Variants in DOCK1 observed in about 807,000 individuals in gnomAD.
DOCK1 encodes the protein dedicator of cytokinesis protein 1.
DOCK1 carries 138 observed loss-of-function variants against 262.7 expected under a neutral mutation model. That is an observed-to-expected ratio of 0.53 (90% CI 0.46 to 0.61). The LOEUF is 0.61. Among genes scored for constraint, DOCK1 ranks in the 20% least tolerant of loss-of-function variants. The pLI, the probability that DOCK1 is intolerant of heterozygous loss-of-function variation, is 0.00. For missense variants in DOCK1, 1,908 were observed against 2,370.7 expected (o/e 0.80, Z 4.05); for synonymous variants, 866 against 867.4 (o/e 1.00, Z 0.03).
intron 27 of DOCK1, among the ~76,000 whole-genome samples, chr10:127,204,517 C>T (rs559389936): frequency 6.6e-6 from 1 of 152,168 alleles, no homozygotes; most frequent in Admixed American, 6.5e-5. Flanking sequence ...GAACTCCTGA[C>T]CTCAAGCAAT....
intron 23 of DOCK1, among the ~76,000 whole-genome samples, chr10:127,072,823 A>G (rs2046309623): frequency 2.0e-5 from 3 of 152,230 alleles, no homozygotes; most frequent in African/African-American, 7.2e-5. Context: ...AGGGACGGGC[A>G]GAGAACATCA....
chr10:126,948,815 C>T lies in DOCK1; in HGVS notation c.47-21887C>T, dbSNP rs941621835. ...CTTTGGGCTGGATTTTCCATCCTCT[C>T]CCTCAAAGGGAACCTTGCCCCCTAT... On this transcript the variant is annotated intron_variant, in intron 1 of 51. Transcript: ENST00000623213. 5.2e-3 allele frequency among the ~76,000 whole-genome samples: 796 copies of T among 152,180 alleles called. 12 individuals carry two copies. The highest frequency in any genetic ancestry group is 0.018 in the African/African-American group (760 of 41,530).
intron 45 of DOCK1, 103 bp from the exon 46 acceptor site, chr10:127,419,563 G>A (rs2068371867): frequency 2.6e-6 from 3 of 1,138,982 alleles, no homozygotes; most frequent in African/African-American, 3.1e-5. Flanking sequence ...GTGTGGATCT[G>A]TTTTATGCAC....
chr10:127,337,263 G>C (rs1348308608), intron 29 of DOCK1, among the ~76,000 whole-genome samples: 1 of 152,130 alleles, frequency 6.6e-6, no homozygotes, highest in African/African-American at 2.4e-5. Context: ...TCTCAACACA[G>C]TTACCAAGGG....
intron 1 of DOCK1, among the ~76,000 whole-genome samples, chr10:126,960,830 A>G (rs1284257780): frequency 6.8e-6 from 1 of 147,590 alleles, no homozygotes; most frequent in Non-Finnish European, 1.5e-5. Context: ...ACGTGTGTAT[A>G]TCTATACGTA....
chr10:127,332,992 A>G (rs2063049203), intron 29 of DOCK1, among the ~76,000 whole-genome samples: 1 of 152,180 alleles, frequency 6.6e-6, no homozygotes, highest in Admixed American at 6.5e-5. Context: ...GCAAATTCCC[A>G]GCTACTGTTG....
intron 29 of DOCK1, among the ~76,000 whole-genome samples, chr10:127,329,053 A>T (rs2062863750): frequency 6.6e-6 from 1 of 152,126 alleles, no homozygotes; most frequent in African/African-American, 2.4e-5. Flanking sequence ...TTACATCCAC[A>T]GTGTTGCTCA....
intron 25 of DOCK1, among the ~76,000 whole-genome samples, chr10:127,111,144 A>G: frequency 6.6e-6 from 1 of 152,098 alleles, no homozygotes; most frequent in Non-Finnish European, 1.5e-5. Flanking sequence ...CAGACTTGGG[A>G]TGTCCCTGTT....
At chr10:127,083,473 C>T (rs1372975277) in intron 23 of DOCK1, among the ~76,000 whole-genome samples, 1 of 152,162 alleles carries the variant, frequency 6.6e-6, no homozygotes, top group Non-Finnish European at 1.5e-5. Flanking sequence ...AGAAACCCTT[C>T]GGCTATTAAA....
intron 25 of DOCK1, among the ~76,000 whole-genome samples, chr10:127,111,199 C>T (rs528657168): frequency 2.0e-5 from 3 of 152,250 alleles, no homozygotes; most frequent in East Asian, 1.9e-4. Flanking sequence ...TTGGCTTGGT[C>T]CTTTGTGCCT....
At chr10:126,962,229 G>C (rs1356454494) in intron 1 of DOCK1, among the ~76,000 whole-genome samples, 1 of 150,280 alleles carries the variant, frequency 6.7e-6, no homozygotes, top group African/African-American at 2.5e-5. Flanking sequence ...GCACAATCTT[G>C]GCTCACTGCA....
chr10:127,185,162 A>G (rs939326810), intron 27 of DOCK1, among the ~76,000 whole-genome samples: 1 of 152,150 alleles, frequency 6.6e-6, no homozygotes, highest in African/African-American at 2.4e-5. Context: ...CACAAATATA[A>G]GTGTTCTGTG....
At chr10:127,418,970 G>A (rs1317615686) in intron 45 of DOCK1, among the ~76,000 whole-genome samples, 1 of 152,240 alleles carries the variant, frequency 6.6e-6, no homozygotes, top group African/African-American at 2.4e-5. Flanking sequence ...ATGGGCAGAA[G>A]TTGAAGGACA....
intron 21 of DOCK1, among the ~76,000 whole-genome samples, 153 bp from the exon 22 acceptor site, chr10:127,052,525 CAAA>C (rs71490107): frequency 6.6e-4 from 91 of 138,794 alleles, no homozygotes; most frequent in Admixed American, 6.4e-4. Context: ...CTGTCTCAAA[CAAA>C]AAAAAAAAAA....
chr10:127,201,742 C>G (rs1426453731), intron 27 of DOCK1, among the ~76,000 whole-genome samples: 1 of 152,180 alleles, frequency 6.6e-6, no homozygotes, highest in Non-Finnish European at 1.5e-5. Flanking sequence ...GCTTTCCCCT[C>G]CCAACTGCAG....
chr10:127,273,878 C>A (rs1345484919), intron 29 of DOCK1, among the ~76,000 whole-genome samples: 383 of 136,590 alleles, frequency 2.8e-3, no homozygotes, highest in Middle Eastern at 4.4e-3. Context: ...GAGACTGTCT[C>A]AAAAAAAAAA....
chr10:126,930,194 G>A (rs963606658), intron 1 of DOCK1, among the ~76,000 whole-genome samples: 151,832 of 152,348 alleles, frequency 1, 75,661 homozygotes, highest in Middle Eastern at 1. Flanking sequence ...TTGTTTGTCC[G>A]TTCCCCTTGT....
chr10:127,410,692 G>GGA (rs1337546415), intron 42 of DOCK1, 148 bp from the exon 43 acceptor site: 7 of 614,934 alleles, frequency 1.1e-5, no homozygotes, highest in Admixed American at 3.6e-5. Flanking sequence ...TCCCTGGCTG[G>GGA]GAGAGGACAC....
chr10:127,321,759 G>C (rs1266703542), intron 29 of DOCK1, among the ~76,000 whole-genome samples: 1 of 145,710 alleles, frequency 6.9e-6, no homozygotes, highest in African/African-American at 2.7e-5. Flanking sequence ...ACCCTTTCTA[G>C]ACCAGGTCAG....
Sources: gnomAD v4.1 joint callset for allele counts (sites outside exome capture counted in the v4.1 genomes callset) on GRCh38, gnomAD v4.1.1 for gene constraint, MANE v1.5 for transcripts, NCBI Gene and HGNC (gene_info 2026-07-23, HGNC 2026-07-21) for gene names.